FRRS1L: variants seen among roughly 807,000 people sequenced by gnomAD.
The protein encoded by FRRS1L is DOMON domain-containing protein FRRS1L.
In FRRS1L, 22 loss-of-function variants were observed where a neutral mutation model predicts 28.6. That is an observed-to-expected ratio of 0.77 (90% CI 0.55 to 1.10). The LOEUF is 1.10. FRRS1L is among the 50% of genes least tolerant of loss of function. The pLI is 0.00. For missense variants in FRRS1L, 380 were observed against 386.9 expected, an observed-to-expected ratio of 0.98 and a Z score of 0.15; for synonymous variants, 158 against 151.4, an observed-to-expected ratio of 1.04 and a Z score of -0.32.
intron 1 of FRRS1L, among the ~76,000 whole-genome samples, chr9:109,159,893 C>T (rs1831459461): frequency 6.6e-6 from 1 of 152,162 alleles, no homozygotes; most frequent in African/African-American, 2.4e-5. Context: ...ACCTGCCAGC[C>T]TGCATAATCA....
In FRRS1L at chr9:109,166,989, C is replaced by G; in HGVS notation, c.150G>C (p.Thr50=). 7 of 1,273,812 alleles carry G rather than the reference C, an allele frequency of 5.5e-6. No homozygotes were observed. The highest frequency in any genetic ancestry group is 6.9e-6 in the Non-Finnish European group (7 of 1,007,440). 78.9% of individuals were successfully genotyped at this position (1,273,812 alleles called of 1,614,324 possible). The change falls in exon 1 of 5, where the codon ACG becomes ACC. Residue 50 remains threonine (T), a synonymous_variant. Transcript: ENST00000561981. ...GGCGCGGCACCGCCTCGTCGGCGCC[C>G]GTGTCCCCCCGCGCGCGTCCCCGGG... ...RGPRGRARGD[T]GADEAVPRHD... is the part of the protein sequence containing the mutation.
chr9:109,155,775 G>C (rs569305769), intron 1 of FRRS1L, among the ~76,000 whole-genome samples: 2 of 151,988 alleles, frequency 1.3e-5, no homozygotes, highest in African/African-American at 4.8e-5. Flanking sequence ...TCGAGCTGGG[G>C]TGGGGAGGAG....
chr9:109,142,296 T>C (rs1280619831), intron 3 of FRRS1L, among the ~76,000 whole-genome samples: 1 of 110,392 alleles, frequency 9.1e-6, no homozygotes, highest in Non-Finnish European at 2.1e-5. Context: ...TCAGTAGTAG[T>C]AGCAGTAGCA....
At chr9:109,137,685 T>C (rs936341764) in intron 4 of FRRS1L, 58 bp from the exon 5 acceptor site, 2 of 1,112,180 alleles carry the variant, frequency 1.8e-6, no homozygotes, top group Admixed American at 2.5e-5. Context: ...TTTATAATGG[T>C]ATAGGCAAAC....
At chr9:109,151,963 T>C (rs1831335277) in intron 1 of FRRS1L, 1 of 152,358 alleles carries the variant, frequency 6.6e-6, no homozygotes, top group Non-Finnish European at 1.5e-5. Flanking sequence ...TTCACTTACA[T>C]GTTTTTGAAA....
At chr9:109,161,377 G>C (rs901111331) in intron 1 of FRRS1L, among the ~76,000 whole-genome samples, 1 of 152,186 alleles carries the variant, frequency 6.6e-6, no homozygotes, top group South Asian at 2.1e-4. Context: ...TTTTAAAAAA[G>C]GGTGTATCAA....
Position 109,143,034 on chromosome 9 carries a change from T to G in FRRS1L, c.463-1445A>C, listed in dbSNP as rs975653114. Among the ~76,000 whole-genome samples the G allele has an allele frequency of 1.4e-3, 205 of 151,576 alleles. 3 individuals carry two copies. The highest frequency in any genetic ancestry group is 1.1e-3 in the Non-Finnish European group (74 of 67,918). Reference sequence around the variant, plus strand: ...AACAAGTTTAAAAAAGTTAAAAGAGTTTGGTCGGGTGTGATGGCTCACGCC... The same window carrying G: ...AACAAGTTTAAAAAAGTTAAAAGAGGTTGGTCGGGTGTGATGGCTCACGCC... On this transcript the variant is annotated intron_variant, in intron 3 of 4. Transcript: ENST00000561981.
At chr9:109,152,995 T>A (rs550604095) in intron 1 of FRRS1L, among the ~76,000 whole-genome samples, 1 of 152,216 alleles carries the variant, frequency 6.6e-6, no homozygotes, top group South Asian at 2.1e-4. Context: ...AAACTTGTAA[T>A]AGGAACTTGT....
chr9:109,142,200 C>G (rs1303878118), intron 3 of FRRS1L, among the ~76,000 whole-genome samples: 1 of 152,000 alleles, frequency 6.6e-6, no homozygotes, highest in Non-Finnish European at 1.5e-5. Flanking sequence ...AGGAGATAAC[C>G]TACTTAAGTA....
At chr9:109,145,639 A>G (rs1831248885) in intron 3 of FRRS1L, among the ~76,000 whole-genome samples, 1 of 152,102 alleles carries the variant, frequency 6.6e-6, no homozygotes, top group South Asian at 2.1e-4. Flanking sequence ...ACTTGAACCC[A>G]GGAGGCAAAG....
Position 109,137,370 on chromosome 9 carries a change from TAA to T in FRRS1L, c.*83_*84del. ...GTTTTTTTTCTTAAATAATTGAAGC[TAA>T]AATTATACTGGATATTCTTTAAAAA... On this transcript the variant is annotated 3_prime_UTR_variant, in exon 5 of 5. Coordinates refer to ENST00000561981, the MANE Select transcript of FRRS1L (RefSeq NM_014334.4). 1.2e-6 allele frequency: 1 copy of T among 860,362 alleles called. No homozygotes were observed. The highest frequency in any genetic ancestry group is 1.6e-6 in the Non-Finnish European group (1 of 609,836). The allele number at this position is 860,362 out of a possible 1,614,324, so 53.3% of individuals were successfully genotyped here.
rs1335606223 is a variant in FRRS1L at position 109,133,924 on chromosome 9, C to T, written c.*3531G>A. 1 of 152,170 alleles carries T rather than the reference C, an allele frequency of 6.6e-6. No homozygotes were observed. Among genetic ancestry groups the T allele is most frequent in the Non-Finnish European group, 1.5e-5 (1 of 68,032 alleles). 9.4% of individuals were successfully genotyped at this position (152,170 alleles called of 1,614,324 possible). On this transcript the variant is annotated 3_prime_UTR_variant, in exon 5 of 5. Coordinates refer to ENST00000561981, the MANE Select transcript of FRRS1L (RefSeq NM_014334.4). ...GAAGTTTTTGGAATTATCACTTCAG[C>T]ATGTCTATCGACTGCTAGTTCTCTG...
intron 1 of FRRS1L, among the ~76,000 whole-genome samples, chr9:109,159,449 G>A (rs1831453988): frequency 6.6e-6 from 1 of 152,088 alleles, no homozygotes. Flanking sequence ...GGTGGATCAC[G>A]AGGTCAGGGG....
chr9:109,149,095 G>A (rs1000241107), intron 2 of FRRS1L, among the ~76,000 whole-genome samples: 4 of 152,176 alleles, frequency 2.6e-5, no homozygotes, highest in Non-Finnish European at 5.9e-5. Flanking sequence ...CTGTCTAGAT[G>A]GGAGGCCCAT....
intron 1 of FRRS1L, among the ~76,000 whole-genome samples, chr9:109,156,126 A>G (rs1484368134): frequency 6.6e-6 from 1 of 152,120 alleles, no homozygotes; most frequent in African/African-American, 2.4e-5. Flanking sequence ...GGCACACTAG[A>G]GAGTCTGGGA....
chr9:109,161,278 C>A (rs1044303986), intron 1 of FRRS1L, among the ~76,000 whole-genome samples: 11 of 152,092 alleles, frequency 7.2e-5, no homozygotes, highest in Admixed American at 4.6e-4. Flanking sequence ...TTGGCTTGTT[C>A]CTTTCTCTCC....
intron 1 of FRRS1L, among the ~76,000 whole-genome samples, chr9:109,155,296 T>C (rs1374387456): frequency 2.0e-5 from 3 of 152,268 alleles, no homozygotes; most frequent in Admixed American, 6.5e-5. Flanking sequence ...ATTCTGTTTA[T>C]TATTTCCCTT....
At chr9:109,156,824 C>T (rs1055977636) in intron 1 of FRRS1L, among the ~76,000 whole-genome samples, 5 of 151,946 alleles carry the variant, frequency 3.3e-5, no homozygotes, top group African/African-American at 9.7e-5. Flanking sequence ...GCATGAGCCA[C>T]CACACCCAGC....
rs201285410 is a variant in FRRS1L at position 109,141,560 on chromosome 9, A to G, written c.492T>C (p.His164=). 1.1e-5 allele frequency: 17 copies of G among 1,614,000 alleles called. No homozygotes were observed. In the African/African-American group the frequency reaches 2.3e-4, roughly 22 times the overall value. The change falls in exon 4 of 5, where the codon CAT becomes CAC. Residue 164 remains histidine, a synonymous_variant. Transcript: ENST00000561981. ...GTATGCGGACCCTGCCATTGTCATC[A>G]TGGACGCAGGCCATGACATCATCAC... ...MGGDDVMACV[H]DDNGRVRIQH...
Sources: gnomAD v4.1 joint callset for allele counts (sites outside exome capture counted in the v4.1 genomes callset) on GRCh38, gnomAD v4.1.1 for gene constraint, MANE v1.5 for transcripts, NCBI Gene and HGNC (gene_info 2026-07-23, HGNC 2026-07-21) for gene names.